Variants in MYCBP2 observed in about 807,000 individuals in gnomAD.
MYCBP2 encodes the protein MYC binding protein 2.
In MYCBP2, 120 loss-of-function variants were observed where a neutral mutation model predicts 525.3. The ratio of observed to expected loss-of-function variants is 0.23; its 90% CI spans 0.20 to 0.27. The LOEUF is 0.27. Ranked by LOEUF, MYCBP2 falls within the 10% of genes least tolerant of loss-of-function variation. MYCBP2 has a pLI of 1.00. For missense variants in MYCBP2, 4,149 were observed against 5,657.1 expected, an observed-to-expected ratio of 0.73 and a Z score of 8.55; for synonymous variants, 1,894 against 1,955.8, an observed-to-expected ratio of 0.97 and a Z score of 0.83.
In MYCBP2 at chr13:77,169,659, G is replaced by C; in HGVS notation, c.5850C>G (p.Pro1950=). The C allele has an allele frequency of 1.2e-6, 2 of 1,614,024 alleles. No individual in the cohort carries two copies. Among genetic ancestry groups the C allele is most frequent in the Non-Finnish European group, 1.7e-6 (2 of 1,180,002 alleles). The change falls in exon 39 of 83, where the codon CCC becomes CCG. Residue 1950 remains proline, a synonymous_variant. Coordinates refer to ENST00000544440, the MANE Select transcript of MYCBP2 (RefSeq NM_015057.5). ...SSSSLFSMLL[P]LIIAYIGPVA... ...CTGGTCCTATGTAGGCTATAATAAG[G>C]GGGAGCAGCATGGAAAACAGACTGG...
At chr13:77,201,187 G>A (rs978485978) in intron 26 of MYCBP2, among the ~76,000 whole-genome samples, 3 of 151,238 alleles carry the variant, frequency 2.0e-5, no homozygotes, top group Admixed American at 2.0e-4. Flanking sequence ...AAAATAAAAG[G>A]ATGGAGGAAG....
At chr13:77,060,765 C>T (rs183122531) in intron 76 of MYCBP2, among the ~76,000 whole-genome samples, 100 of 152,208 alleles carry the variant, frequency 6.6e-4, no homozygotes, top group Non-Finnish European at 2.6e-4. Context: ...AATCATACAA[C>T]CTTATAATAA....
intron 4 of MYCBP2, among the ~76,000 whole-genome samples, 180 bp from the exon 5 acceptor site, chr13:77,273,848 G>A (rs2075195103): frequency 6.6e-6 from 1 of 152,030 alleles, no homozygotes; most frequent in South Asian, 2.1e-4. Flanking sequence ...TATGTAACAA[G>A]GGTCTTAAAG....
intron 65 of MYCBP2, among the ~76,000 whole-genome samples, chr13:77,079,876 A>T (rs569266168): frequency 6.6e-6 from 1 of 152,322 alleles, no homozygotes; most frequent in South Asian, 2.1e-4. Context: ...TATAACATAG[A>T]GGAAGCCTGT....
At chr13:77,143,293 A>G (rs1232089302) in intron 49 of MYCBP2, among the ~76,000 whole-genome samples, 2 of 152,142 alleles carry the variant, frequency 1.3e-5, no homozygotes, top group Non-Finnish European at 2.9e-5. Context: ...GGTGGAGAAG[A>G]TCTGCTTTCA....
intron 44 of MYCBP2, 111 bp from the exon 45 acceptor site, chr13:77,158,220 C>T (rs1464183622): frequency 1.7e-6 from 1 of 572,768 alleles, no homozygotes; most frequent in Non-Finnish European, 2.8e-6. Context: ...AAATCATTTT[C>T]TCCACGTACC....
intron 82 of MYCBP2, among the ~76,000 whole-genome samples, chr13:77,047,271 C>A (rs2035761499): frequency 6.6e-6 from 1 of 152,152 alleles, no homozygotes; most frequent in Admixed American, 6.5e-5. Context: ...CGATTATCCT[C>A]ATTTTGTAGA....
chr13:77,274,823 C>A (rs2075333139), intron 4 of MYCBP2, among the ~76,000 whole-genome samples: 1 of 152,122 alleles, frequency 6.6e-6, no homozygotes. Flanking sequence ...ACTTAAAATT[C>A]TTTCACTCCT....
chr13:77,190,702 G>A (rs949533580), intron 28 of MYCBP2, among the ~76,000 whole-genome samples: 1 of 149,492 alleles, frequency 6.7e-6, no homozygotes, highest in Admixed American at 6.6e-5. Context: ...AAGTCTGAAT[G>A]AACTGTCTAT....
At chr13:77,195,480 C>G (rs1033870944) in intron 26 of MYCBP2, among the ~76,000 whole-genome samples, 1 of 152,068 alleles carries the variant, frequency 6.6e-6, no homozygotes, top group Non-Finnish European at 1.5e-5. Flanking sequence ...GCCTGTAGTC[C>G]CAGCTACTCG....
At chr13:77,120,286 C>T (rs1379147562) in intron 55 of MYCBP2, among the ~76,000 whole-genome samples, 21 of 151,928 alleles carry the variant, frequency 1.4e-4, no homozygotes, top group Non-Finnish European at 1.5e-5. Flanking sequence ...CCGAAGTAAG[C>T]GAGCAGATGA....
At chr13:77,141,545 C>T (rs904069375) in intron 49 of MYCBP2, among the ~76,000 whole-genome samples, 4 of 151,988 alleles carry the variant, frequency 2.6e-5, no homozygotes, top group South Asian at 2.1e-4. Flanking sequence ...CCGGGGCAGG[C>T]GGATCACCTG....
chr13:77,318,718 C>A (rs2081251340), intron 1 of MYCBP2, among the ~76,000 whole-genome samples: 1 of 152,228 alleles, frequency 6.6e-6, no homozygotes, highest in Admixed American at 6.5e-5. Flanking sequence ...CGCACCACTG[C>A]ACTCTGGCCT....
intron 21 of MYCBP2, 104 bp downstream of exon 21, chr13:77,217,735 TA>T (rs2154289500): frequency 1.7e-6 from 1 of 581,080 alleles, no homozygotes; most frequent in Non-Finnish European, 2.9e-6. Context: ...ACAATTATAA[TA>T]TAATTGTTAT....
intron 1 of MYCBP2, among the ~76,000 whole-genome samples, chr13:77,325,031 C>CA (rs2082121265): frequency 6.6e-6 from 1 of 152,126 alleles, no homozygotes; most frequent in Non-Finnish European, 1.5e-5. Flanking sequence ...GTTCAGATAG[C>CA]AAAAAATAGT....
In MYCBP2 at chr13:77,257,697, G is replaced by A; in HGVS notation, c.2150C>T (p.Thr717Ile). Residue 717 changes from threonine to isoleucine, a missense_variant, in exon 14 of 83, where the codon ACT (threonine) becomes ATT (isoleucine). Coordinates refer to ENST00000544440, the MANE Select transcript of MYCBP2 (RefSeq NM_015057.5). ...TTTCCCACCTTGGTTCATGGCACCA[G>A]TATCTCGTCCACACTGTCCTTTATT... ...VNNKGQCGRD[T>I]GAMNQGGKGF... 1 of 1,594,458 alleles carries A rather than the reference G, an allele frequency of 6.3e-7. No individual in the cohort carries two copies. The highest frequency in any genetic ancestry group is 8.5e-7 in the Non-Finnish European group (1 of 1,173,890).
At chr13:77,196,407 C>T (rs1219571670) in intron 26 of MYCBP2, among the ~76,000 whole-genome samples, 1 of 152,184 alleles carries the variant, frequency 6.6e-6, no homozygotes, top group African/African-American at 2.4e-5. Flanking sequence ...AAGAGAATCA[C>T]TGCCACACTC....
At chr13:77,242,125 TTTC>T (rs1182133738) in intron 17 of MYCBP2, among the ~76,000 whole-genome samples, 1 of 152,148 alleles carries the variant, frequency 6.6e-6, no homozygotes, top group Admixed American at 6.6e-5. Context: ...TTTTGTTTGT[TTTC>T]TTTTGAGATG....
chr13:77,324,516 CT>C (rs1242635885), intron 1 of MYCBP2, among the ~76,000 whole-genome samples: 1 of 152,144 alleles, frequency 6.6e-6, no homozygotes, highest in Non-Finnish European at 1.5e-5. Flanking sequence ...TTGCAGGCTA[CT>C]TTTTGTAATA....
Sources: allele counts gnomAD v4.1 joint callset (sites outside exome capture counted in the v4.1 genomes callset), GRCh38; gene constraint gnomAD v4.1.1; transcripts MANE v1.5; gene names NCBI Gene and HGNC (gene_info 2026-07-23, HGNC 2026-07-21).